PLCE1: variants seen among roughly 807,000 people sequenced by gnomAD.
PLCE1 encodes phospholipase C epsilon 1, also known as 1-phosphatidylinositol 4,5-bisphosphate phosphodiesterase epsilon-1.
PLCE1 carries 119 observed loss-of-function variants against 242.8 expected under a neutral mutation model. The observed-to-expected ratio is 0.49, with a 90% confidence interval of 0.42 to 0.57. The LOEUF (loss-of-function observed/expected upper bound fraction) is 0.57. Among genes scored for constraint, PLCE1 ranks in the 20% least tolerant of loss-of-function variants. The probability of loss-of-function intolerance (pLI) is 0.00; values close to 1 mark genes in which losing one functional copy is unlikely to be tolerated. For synonymous variants in PLCE1, 945 were observed against 1,017.4 expected, an observed-to-expected ratio of 0.93 and a Z score of 1.35; for missense variants, 2,441 against 2,788.8, an observed-to-expected ratio of 0.88 and a Z score of 2.81.
chr10:94,042,177 C>T (rs1454204080), intron 2 of PLCE1, among the ~76,000 whole-genome samples: 1 of 152,110 alleles, frequency 6.6e-6, no homozygotes, highest in Non-Finnish European at 1.5e-5. Context: ...TCAGCAATGC[C>T]TCCTTGAGGT....
At chr10:94,190,912 C>G (rs1201717181) in intron 4 of PLCE1, among the ~76,000 whole-genome samples, 1 of 152,194 alleles carries the variant, frequency 6.6e-6, no homozygotes, top group Admixed American at 6.5e-5. Context: ...CCATGAGAAT[C>G]TGTCTTCTAA....
chr10:94,302,371 G>A (rs531890944), intron 24 of PLCE1, among the ~76,000 whole-genome samples: 7 of 152,126 alleles, frequency 4.6e-5, no homozygotes, highest in South Asian at 2.1e-4. Context: ...TATGTACCCC[G>A]GAACTTAAAA....
At position 94,023,728 on chromosome 10, in the gene PLCE1, A is replaced by G. The variant is rs529467735; in HGVS notation, c.-364-6955A>G. ...GGCAGCCTTATCAATGTGTTAGTTC[A>G]AAAATATTTGTGTAGCTTTCTCATC... On this transcript the variant is annotated intron_variant, in intron 1 of 32. Coordinates refer to ENST00000371380, the MANE Select transcript of PLCE1 (RefSeq NM_016341.4). Among the ~76,000 whole-genome samples, 251 of 152,256 alleles carry G rather than the reference A, an allele frequency of 1.6e-3. 1 individual carries two copies. Among genetic ancestry groups the G allele is most frequent in the African/African-American group, 5.8e-3 (241 of 41,550 alleles).
At chr10:94,054,878 G>T (rs1026941929) in intron 2 of PLCE1, among the ~76,000 whole-genome samples, 2 of 152,082 alleles carry the variant, frequency 1.3e-5, no homozygotes, top group Non-Finnish European at 2.9e-5. Flanking sequence ...TGGACGTGGT[G>T]GTGGGTGCCT....
intron 5 of PLCE1, among the ~76,000 whole-genome samples, chr10:94,229,473 A>G (rs1311429950): frequency 6.6e-6 from 1 of 151,886 alleles, no homozygotes; most frequent in Non-Finnish European, 1.5e-5. Context: ...ATACATAGTC[A>G]CTCTTGCCAT....
At chr10:94,182,217 C>T (rs11816671) in intron 4 of PLCE1, among the ~76,000 whole-genome samples, 12,823 of 151,786 alleles carry the variant, frequency 0.084, 1,004 homozygotes, top group African/African-American at 0.21. Flanking sequence ...AATTGTTCCA[C>T]GTACATTTAA....
intron 2 of PLCE1, among the ~76,000 whole-genome samples, chr10:94,076,960 T>C (rs1408686321): frequency 1.3e-5 from 2 of 152,208 alleles, no homozygotes; most frequent in African/African-American, 4.8e-5. Flanking sequence ...AGCACATAAG[T>C]GGATAAAGTA....
intron 4 of PLCE1, among the ~76,000 whole-genome samples, chr10:94,196,707 A>G (rs549330106): frequency 6.6e-6 from 1 of 152,310 alleles, no homozygotes; most frequent in Admixed American, 6.5e-5. Flanking sequence ...TCACCAGCCC[A>G]GAACACCCAA....
intron 4 of PLCE1, among the ~76,000 whole-genome samples, chr10:94,195,716 G>A (rs921279014): frequency 1.3e-5 from 2 of 152,148 alleles, no homozygotes; most frequent in African/African-American, 4.8e-5. Context: ...ATTAGATGAT[G>A]CTAATCATTA....
At chr10:94,209,831 A>C (rs1262010996) in intron 4 of PLCE1, among the ~76,000 whole-genome samples, 1 of 152,230 alleles carries the variant, frequency 6.6e-6, no homozygotes, top group Middle Eastern at 3.2e-3. Context: ...AAAATTGGCT[A>C]ACCTTTCAAC....
intron 18 of PLCE1, among the ~76,000 whole-genome samples, chr10:94,271,598 G>A (rs966991239): frequency 6.6e-6 from 1 of 152,084 alleles, no homozygotes; most frequent in Non-Finnish European, 1.5e-5. Context: ...ACATACGTGA[G>A]GCACCGCACC....
At chr10:94,195,014 G>A (rs2136666319) in intron 4 of PLCE1, among the ~76,000 whole-genome samples, 1 of 152,144 alleles carries the variant, frequency 6.6e-6, no homozygotes, top group Non-Finnish European at 1.5e-5. Flanking sequence ...TGATATTAGG[G>A]TTGGTTCTAC....
intron 5 of PLCE1, among the ~76,000 whole-genome samples, chr10:94,230,062 A>G (rs976117804): frequency 6.6e-6 from 1 of 152,178 alleles, no homozygotes; most frequent in African/African-American, 2.4e-5. Context: ...TTTTTAAGCA[A>G]TTAAATGGGA....
At chr10:94,132,088 T>A in intron 2 of PLCE1, 86 bp from the exon 3 acceptor site, 1 of 1,321,974 alleles carries the variant, frequency 7.6e-7, no homozygotes, top group Non-Finnish European at 1.1e-6. Context: ...TCTTTCTTAA[T>A]AAGTCATCTT....
chr10:94,015,142 T>C (rs2061254105), intron 1 of PLCE1, among the ~76,000 whole-genome samples: 1 of 152,170 alleles, frequency 6.6e-6, no homozygotes, highest in African/African-American at 2.4e-5. Context: ...GAAGACTGAA[T>C]AAAATTATAC....
At chr10:94,270,939 G>T (rs2051707424) in intron 18 of PLCE1, among the ~76,000 whole-genome samples, 2 of 152,130 alleles carry the variant, frequency 1.3e-5, no homozygotes, top group South Asian at 2.1e-4. Flanking sequence ...CAAAGTACTG[G>T]GATTATAGGC....
chr10:94,246,136 G>A lies in PLCE1; in HGVS notation c.2611G>A (p.Asp871Asn), dbSNP rs772089398. ...GCAGGGGGCCACGGTCATCCACTAC[G>A]ACCAGGACACACACCTCTCTGCCCG... ...LLQGATVIHY[D>N]QDTHLSARCF... The change falls in exon 8 of 33, where the codon GAC becomes AAC. Residue 871 changes from aspartate to asparagine, a missense_variant. Around this residue, in one of 5 missense-constraint regions of PLCE1, gnomAD observed 733 missense variants for 754.2 expected, o/e 0.97. Coordinates refer to ENST00000371380, the MANE Select transcript of PLCE1 (RefSeq NM_016341.4). The A allele has an allele frequency of 1.1e-5, 18 of 1,613,920 alleles. No homozygotes were observed. In the East Asian group the frequency reaches 1.6e-4, roughly 14 times the overall value.
intron 2 of PLCE1, among the ~76,000 whole-genome samples, chr10:94,120,104 C>G (rs112824542): frequency 5.9e-5 from 9 of 152,080 alleles, no homozygotes; most frequent in African/African-American, 2.2e-4. Flanking sequence ...CTGGGCTTTC[C>G]TACTATTCTC....
chr10:94,123,595 C>G (rs745348890), intron 2 of PLCE1, among the ~76,000 whole-genome samples: 3 of 152,200 alleles, frequency 2.0e-5, no homozygotes, highest in African/African-American at 7.2e-5. Flanking sequence ...CTGCAACTAC[C>G]CCCTCCAACA....
Sources: allele counts gnomAD v4.1 joint callset (sites outside exome capture counted in the v4.1 genomes callset), GRCh38; gene constraint gnomAD v4.1.1; regional missense constraint gnomAD v4.1.1; transcripts MANE v1.5; gene names NCBI Gene and HGNC (gene_info 2026-07-23, HGNC 2026-07-21).